The following LIPI variants were observed in gnomAD, a reference collection of about 807,000 sequenced individuals.
LIPI encodes lipase I.
Under a neutral mutation model 50.6 loss-of-function variants are expected in LIPI, and 59 were observed. The observed-to-expected ratio is 1.16, with a 90% confidence interval of 0.94 to 1.45. The LOEUF is 1.45. LIPI is among the 40% of genes most tolerant of loss of function. The pLI, the probability that LIPI is intolerant of heterozygous loss-of-function variation, is 0.00. For synonymous variants in LIPI, 203 were observed against 178.2 expected (o/e 1.14, Z -1.11); for missense variants, 586 against 536.3 (o/e 1.09, Z -0.92).
intron 1 of LIPI, among the ~76,000 whole-genome samples, chr21:14,200,551 G>A (rs1436268384): frequency 1.3e-5 from 2 of 151,928 alleles, no homozygotes; most frequent in East Asian, 3.9e-4. Flanking sequence ...TAACTAACTA[G>A]GGTAGTGAAA....
At chr21:14,173,183 G>A (rs958127068) in intron 4 of LIPI, among the ~76,000 whole-genome samples, 17 of 152,178 alleles carry the variant, frequency 1.1e-4, no homozygotes, top group African/African-American at 4.1e-4. Flanking sequence ...CAGCGTGGCT[G>A]AAGTCTAATG....
chr21:14,113,365 A>G (rs867909376), intron 9 of LIPI, among the ~76,000 whole-genome samples: 1 of 152,230 alleles, frequency 6.6e-6, no homozygotes, highest in African/African-American at 2.4e-5. Context: ...TGGAGACATG[A>G]GAGATATAAA....
chr21:14,141,922 G>A (rs2017724614), intron 9 of LIPI, among the ~76,000 whole-genome samples: 1 of 152,084 alleles, frequency 6.6e-6, no homozygotes, highest in African/African-American at 2.4e-5. Flanking sequence ...TTCATCCCTG[G>A]ATAATATAAA....
intron 9 of LIPI, among the ~76,000 whole-genome samples, chr21:14,117,485 G>A (rs1351432088): frequency 3.3e-5 from 5 of 152,206 alleles, no homozygotes; most frequent in Non-Finnish European, 5.9e-5. Flanking sequence ...ACTGATCCAG[G>A]CTGGGACTGA....
intron 9 of LIPI, among the ~76,000 whole-genome samples, chr21:14,123,241 G>A (rs1408137041): frequency 1.3e-5 from 2 of 152,210 alleles, no homozygotes; most frequent in African/African-American, 4.8e-5. Flanking sequence ...GTTTAGATCA[G>A]CAATATTTTG....
intron 4 of LIPI, among the ~76,000 whole-genome samples, chr21:14,171,974 A>T (rs1457350479): frequency 2.6e-5 from 4 of 151,712 alleles, no homozygotes; most frequent in Admixed American, 2.6e-4. Context: ...TCATCTGACA[A>T]AGGGCTAATA....
chr21:14,172,477 CAAT>C (rs1347406054), intron 4 of LIPI, among the ~76,000 whole-genome samples: 1 of 151,644 alleles, frequency 6.6e-6, no homozygotes, highest in Non-Finnish European at 1.5e-5. Flanking sequence ...AAATGTCCAA[CAAT>C]GATAGACTGG....
At chr21:14,139,966 T>C (rs147745687) in intron 9 of LIPI, among the ~76,000 whole-genome samples, 6 of 152,140 alleles carry the variant, frequency 3.9e-5, no homozygotes, top group Non-Finnish European at 7.4e-5. Flanking sequence ...GCAGTGGAGA[T>C]ACTAGTTAGG....
At chr21:14,139,286 C>T (rs922498249) in intron 9 of LIPI, among the ~76,000 whole-genome samples, 1 of 152,062 alleles carries the variant, frequency 6.6e-6, no homozygotes, top group African/African-American at 2.4e-5. Flanking sequence ...TACATACCTA[C>T]AATTGGTGAA....
At chr21:14,157,211 A>C (rs2018305849) in intron 7 of LIPI, among the ~76,000 whole-genome samples, 1 of 151,890 alleles carries the variant, frequency 6.6e-6, no homozygotes, top group African/African-American at 2.4e-5. Context: ...CTGATTTGGG[A>C]AATCCTCAGC....
chr21:14,121,671 C>T (rs1314743036), intron 9 of LIPI, among the ~76,000 whole-genome samples: 3 of 152,136 alleles, frequency 2.0e-5, no homozygotes, highest in Non-Finnish European at 2.9e-5. Context: ...GGATGGCCCC[C>T]ATATTGTAAT....
At position 14,207,174 on chromosome 21, in the gene LIPI, A is replaced by C. The variant is rs930066155; in HGVS notation, c.46+3626T>G. ...AGCTTTAATTATGTAGTTGTGAAGC[A>C]ATCAAAACACACATTTAGAAAGAAT... On this transcript the variant is annotated intron_variant, in intron 1 of 9. Coordinates refer to ENST00000681601, the MANE Select transcript of LIPI (RefSeq NM_001302998.2). 2.0e-5 allele frequency among the ~76,000 whole-genome samples: 3 copies of C among 152,188 alleles called. No individual in the cohort carries two copies. In the South Asian group the frequency reaches 6.2e-4, roughly 31 times the overall value.
At chr21:14,166,574 T>G (rs929616328) in intron 4 of LIPI, 123 bp from the exon 5 acceptor site, 19 of 674,274 alleles carry the variant, frequency 2.8e-5, no homozygotes, top group African/African-American at 2.7e-4. Context: ...TGAAAATAAG[T>G]GCTGTTTTTA....
At chr21:14,142,298 A>G (rs995962208) in intron 9 of LIPI, among the ~76,000 whole-genome samples, 1 of 152,054 alleles carries the variant, frequency 6.6e-6, no homozygotes, top group African/African-American at 2.4e-5. Context: ...TGTATCCCAA[A>G]ACTTAAAGTA....
intron 9 of LIPI, chr21:14,144,386 C>T: frequency 2.9e-6 from 1 of 345,570 alleles, no homozygotes; most frequent in Non-Finnish European, 5.3e-6. Context: ...TTTATTGTGT[C>T]TGTGAAATGA....
At chr21:14,155,091 G>GA (rs1369252422) in intron 7 of LIPI, among the ~76,000 whole-genome samples, 1 of 151,768 alleles carries the variant, frequency 6.6e-6, no homozygotes, top group Admixed American at 6.6e-5. Context: ...CCTTAGCAAA[G>GA]AAAAAAAGTT....
chr21:14,165,313 TA>T lies in LIPI; in HGVS notation c.810del (p.Phe270LeufsTer42). On this transcript the variant is annotated frameshift_variant, in exon 6 of 10. Coordinates refer to ENST00000681601, the MANE Select transcript of LIPI (RefSeq NM_001302998.2). LOFTEE classifies it high-confidence loss of function. Reference sequence around the variant, plus strand: ...TTGTATGAACGACAAGGAAATGAAATAAAATTGCAGTTTGTTTCTAAAGATG... The same window carrying T: ...TTGTATGAACGACAAGGAAATGAAATAAATTGCAGTTTGTTTCTAAAGATG... ...FMASLETNCNFISFPCRSYKD... is the reference protein window; with the variant it reads ...FMASLETNCNXISFPCRSYKD... 3 of 1,611,592 alleles carry T rather than the reference TA, an allele frequency of 1.9e-6. No individual in the cohort carries two copies. Among genetic ancestry groups the T allele is most frequent in the Non-Finnish European group, 2.5e-6 (3 of 1,178,014 alleles).
At chr21:14,173,973 T>G (rs2019007354) in intron 4 of LIPI, among the ~76,000 whole-genome samples, 1 of 152,204 alleles carries the variant, frequency 6.6e-6, no homozygotes, top group South Asian at 2.1e-4. Flanking sequence ...AGGAAGGGCA[T>G]GCTTCCTAAA....
chr21:14,159,418 T>C (rs1351635515), intron 7 of LIPI, among the ~76,000 whole-genome samples: 1 of 151,480 alleles, frequency 6.6e-6, no homozygotes, highest in Non-Finnish European at 1.5e-5. Flanking sequence ...ATATCAATTA[T>C]GCATAAAAAG....
Sources: allele counts gnomAD v4.1 joint callset (sites outside exome capture counted in the v4.1 genomes callset), GRCh38; gene constraint gnomAD v4.1.1; transcripts MANE v1.5; gene names NCBI Gene and HGNC (gene_info 2026-07-23, HGNC 2026-07-21).